Variants in HYCC1 observed in about 807,000 individuals in gnomAD.
HYCC1 encodes hyccin PI4KA lipid kinase complex subunit 1, also known as hyccin.
At chr7:22,924,545 T>C in the HYCC1 span, among the ~76,000 whole-genome samples, 2 of 152,198 alleles carry the variant, frequency 1.3e-5, no homozygotes, top group African/African-American at 4.8e-5. Context: ...ATCCCGCACA[T>C]GGCTCCGAGG....
the HYCC1 span, among the ~76,000 whole-genome samples, chr7:22,896,658 G>C: frequency 6.6e-6 from 1 of 152,106 alleles, no homozygotes; most frequent in Non-Finnish European, 1.5e-5. Context: ...AGCATTCCCT[G>C]GCAGAGAGGA....
At chr7:23,014,118 C>T in the HYCC1 span, 1 of 468,886 alleles carries the variant, frequency 2.1e-6, no homozygotes, top group Non-Finnish European at 4.4e-6. Flanking sequence ...CCACCACTGC[C>T]GCCAGCCTCT....
the HYCC1 span, among the ~76,000 whole-genome samples, chr7:22,929,483 A>C: frequency 3.3e-5 from 5 of 152,238 alleles, no homozygotes; most frequent in African/African-American, 1.2e-4. Context: ...AATGAACTCA[A>C]ACAAATTTAC....
chr7:22,907,773 G>A, the HYCC1 span, among the ~76,000 whole-genome samples: 2 of 152,282 alleles, frequency 1.3e-5, no homozygotes, highest in Non-Finnish European at 2.9e-5. Context: ...TTAGCTGGGC[G>A]TGGTGGCGCA....
chr7:22,900,574 G>T, the HYCC1 span, among the ~76,000 whole-genome samples: 1 of 152,148 alleles, frequency 6.6e-6, no homozygotes, highest in African/African-American at 2.4e-5. Flanking sequence ...TCTGCTTAGG[G>T]ATGTATATTA....
chr7:22,900,879 T>C, the HYCC1 span, among the ~76,000 whole-genome samples: 1 of 152,162 alleles, frequency 6.6e-6, no homozygotes, highest in African/African-American at 2.4e-5. Context: ...CCATCTTTAT[T>C]TGTGTCTTCT....
chr7:22,955,705 C>T, the HYCC1 span, among the ~76,000 whole-genome samples: 2 of 151,352 alleles, frequency 1.3e-5, no homozygotes, highest in Non-Finnish European at 3.0e-5. Context: ...TAGATTTGCT[C>T]TAGAAAAGGA....
chr7:22,948,870 C>G, the HYCC1 span, among the ~76,000 whole-genome samples: 2 of 152,062 alleles, frequency 1.3e-5, no homozygotes, highest in Non-Finnish European at 2.9e-5. Context: ...AAACCTCCAA[C>G]CAAGCCTGTT....
At chr7:23,010,050 G>A in the HYCC1 span, among the ~76,000 whole-genome samples, 4 of 152,034 alleles carry the variant, frequency 2.6e-5, no homozygotes, top group Non-Finnish European at 5.9e-5. Context: ...CTCCATTTAA[G>A]GAATTGTTCT....
At chr7:22,927,369 C>G in the HYCC1 span, among the ~76,000 whole-genome samples, 9 of 141,560 alleles carry the variant, frequency 6.4e-5, no homozygotes, top group East Asian at 2.0e-3. Flanking sequence ...ACAAAAAAGC[C>G]TTCAAAAAAA....
the HYCC1 span, among the ~76,000 whole-genome samples, chr7:22,928,724 G>A: frequency 2.0e-4 from 30 of 152,162 alleles, no homozygotes; most frequent in East Asian, 5.0e-3. Flanking sequence ...ATGCTCATGG[G>A]TAGGAAGAAT....
At chr7:22,963,824 G>C in the HYCC1 span, among the ~76,000 whole-genome samples, 10 of 152,046 alleles carry the variant, frequency 6.6e-5, no homozygotes, top group Non-Finnish European at 1.3e-4. Context: ...TCTTCAAAAA[G>C]TTTATACTCT....
At chr7:22,980,364 G>A in the HYCC1 span, among the ~76,000 whole-genome samples, 56 of 151,492 alleles carry the variant, frequency 3.7e-4, no homozygotes, top group African/African-American at 1.4e-3. Context: ...ATATTTATAT[G>A]TGTTAAATGG....
the HYCC1 span, among the ~76,000 whole-genome samples, chr7:22,999,618 A>G: frequency 5.9e-5 from 9 of 152,188 alleles, no homozygotes. Context: ...AGTCAGAGTA[A>G]GAGCAAAGAA....
chr7:22,999,422 A>T, the HYCC1 span, among the ~76,000 whole-genome samples: 1 of 152,224 alleles, frequency 6.6e-6, no homozygotes, highest in East Asian at 1.9e-4. Context: ...ATGTTAACAG[A>T]TTTTAAGAGA....
the HYCC1 span, among the ~76,000 whole-genome samples, chr7:22,952,565 T>C: frequency 5.3e-5 from 8 of 151,998 alleles, no homozygotes; most frequent in South Asian, 1.2e-3. Context: ...CAGGATCACA[T>C]ATGCCATAGC....
At chr7:22,997,813 A>C in the HYCC1 span, among the ~76,000 whole-genome samples, 1 of 152,166 alleles carries the variant, frequency 6.6e-6, no homozygotes, top group South Asian at 2.1e-4. Context: ...TATTTTCCCC[A>C]AAAATCACAA....
the HYCC1 span, among the ~76,000 whole-genome samples, chr7:22,923,677 C>T: frequency 6.6e-6 from 1 of 152,010 alleles, no homozygotes; most frequent in Non-Finnish European, 1.5e-5. Flanking sequence ...TAAGACAAGA[C>T]TCATGTTGCA....
the HYCC1 span, chr7:22,934,206 C>CTTTTTTTTTTTTTTT: frequency 4.0e-5 from 4 of 100,180 alleles, no homozygotes; most frequent in African/African-American, 8.7e-5. Context: ...TCTTTTTTTT[C>CTTTTTTTTTTTTTTT]TTTTTTTTTT....
Sources: allele counts gnomAD v4.1 joint callset (sites outside exome capture counted in the v4.1 genomes callset), GRCh38; gene constraint gnomAD v4.1.1; transcripts MANE v1.5; gene names NCBI Gene and HGNC (gene_info 2026-07-23, HGNC 2026-07-21).